Variants in CREB5 observed in about 807,000 individuals in gnomAD.
CREB5 encodes cyclic AMP-responsive element-binding protein 5.
In CREB5, 19 loss-of-function variants were observed where a neutral mutation model predicts 57.1. The observed-to-expected ratio is 0.33, with a 90% CI of 0.23 to 0.49. The LOEUF (loss-of-function observed/expected upper bound fraction) is 0.49. Among genes scored for constraint, CREB5 ranks in the 20% least tolerant of loss-of-function variants. The pLI, the probability that CREB5 is intolerant of heterozygous loss-of-function variation, is 0.99. For synonymous variants in CREB5, 238 were observed against 238.3 expected (o/e 1.00, Z 0.01); for missense variants, 579 against 671.6 (o/e 0.86, Z 1.52).
intron 5 of CREB5, among the ~76,000 whole-genome samples, chr7:28,692,655 G>A (rs905706749): frequency 2.8e-4 from 43 of 152,092 alleles, no homozygotes; most frequent in Non-Finnish European, 1.5e-4. Flanking sequence ...TGTAATTCCA[G>A]CTACTCCAGA....
intron 5 of CREB5, among the ~76,000 whole-genome samples, chr7:28,598,324 C>T (rs1437152511): frequency 6.6e-6 from 1 of 152,124 alleles, no homozygotes; most frequent in East Asian, 1.9e-4. Context: ...AACTGTAAGT[C>T]CAATTAAACC....
chr7:28,475,705 A>C (rs529968118), intron 1 of CREB5, among the ~76,000 whole-genome samples: 1 of 152,270 alleles, frequency 6.6e-6, no homozygotes, highest in African/African-American at 2.4e-5. Flanking sequence ...CATCTTATCC[A>C]GGTGTCTTCT....
intron 1 of CREB5, among the ~76,000 whole-genome samples, chr7:28,453,724 T>C (rs1242418670): frequency 6.6e-6 from 1 of 152,234 alleles, no homozygotes; most frequent in African/African-American, 2.4e-5. Context: ...AAGCAGGGCC[T>C]GCCCTACTAT....
At chr7:28,622,259 T>TCACACACACACA (rs4000593) in intron 5 of CREB5, among the ~76,000 whole-genome samples, 1 of 142,788 alleles carries the variant, frequency 7.0e-6, no homozygotes, top group African/African-American at 2.6e-5. Flanking sequence ...TCTCTCTCTC[T>TCACACACACACA]CACACACACA....
At chr7:28,433,460 AT>A (rs1236251647) in intron 1 of CREB5, among the ~76,000 whole-genome samples, 2 of 152,018 alleles carry the variant, frequency 1.3e-5, no homozygotes, top group Non-Finnish European at 2.9e-5. Context: ...CTTTTTGGCC[AT>A]TTTTCTCTCA....
chr7:28,720,455 G>A (rs1050505265), intron 6 of CREB5, among the ~76,000 whole-genome samples: 3 of 152,192 alleles, frequency 2.0e-5, no homozygotes, highest in South Asian at 2.1e-4. Context: ...GCTTGTGAGT[G>A]AAGAATTGTG....
intron 5 of CREB5, among the ~76,000 whole-genome samples, chr7:28,684,820 A>G (rs947362022): frequency 6.6e-6 from 1 of 152,126 alleles, no homozygotes; most frequent in Admixed American, 6.5e-5. Flanking sequence ...TCCCATTTTC[A>G]TGTTACTTTT....
rs1795138984 is a variant in CREB5, at chr7:28,560,883, C to CGTGCGCGCGTGCGTGCGT, written c.292-9477_292-9476insCGCGTGCGTGCGTGTGCG. On this transcript the variant is annotated intron_variant, in intron 4 of 10. Coordinates refer to ENST00000357727, the MANE Select transcript of CREB5 (RefSeq NM_182898.4). Reference sequence around the variant, plus strand: ...GCGTGTGCCTGCGTGCGCGTGCGTGCGTGCGTGTGTGTGCGTGCGCGCGTG... The same window carrying CGTGCGCGCGTGCGTGCGT: ...GCGTGTGCCTGCGTGCGCGTGCGTGCGTGCGCGCGTGCGTGCGTGTGCGTGTGTGTGCGTGCGCGCGTG... Among the ~76,000 whole-genome samples, 3 of 17,262 alleles carry CGTGCGCGCGTGCGTGCGT rather than the reference C, an allele frequency of 1.7e-4. No individual in the cohort carries two copies. In the South Asian group the frequency reaches 0.013, roughly 74 times the overall value. 11.3% of individuals were successfully genotyped at this position (17,262 alleles called of 152,430 possible).
intron 7 of CREB5, among the ~76,000 whole-genome samples, chr7:28,791,967 G>A (rs778765174): frequency 6.6e-6 from 1 of 152,118 alleles, no homozygotes; most frequent in Non-Finnish European, 1.5e-5. Context: ...AAATGGAGAC[G>A]TAAAAAGATA....
At chr7:28,366,929 A>G (rs547775709) in intron 1 of CREB5, among the ~76,000 whole-genome samples, 2 of 152,286 alleles carry the variant, frequency 1.3e-5, no homozygotes, top group East Asian at 3.9e-4. Context: ...TGGGATGGAG[A>G]ACATCTTTAT....
intron 1 of CREB5, among the ~76,000 whole-genome samples, chr7:28,324,640 G>A (rs1357113771): frequency 6.6e-6 from 1 of 152,074 alleles, no homozygotes; most frequent in African/African-American, 2.4e-5. Flanking sequence ...ATTTTTTCCT[G>A]TGGGTGATCT....
At chr7:28,689,584 T>C (rs1434392920) in intron 5 of CREB5, among the ~76,000 whole-genome samples, 1 of 152,172 alleles carries the variant, frequency 6.6e-6, no homozygotes, top group African/African-American at 2.4e-5. Flanking sequence ...ATGGACACTG[T>C]TACAATCCAT....
chr7:28,463,619 AC>A (rs1171066419), intron 1 of CREB5, among the ~76,000 whole-genome samples: 1 of 152,122 alleles, frequency 6.6e-6, no homozygotes, highest in Non-Finnish European at 1.5e-5. Flanking sequence ...CTTTCAGTGT[AC>A]CAGTCATGTG....
At chr7:28,555,646 C>T (rs1794836552) in intron 4 of CREB5, among the ~76,000 whole-genome samples, 1 of 151,838 alleles carries the variant, frequency 6.6e-6, no homozygotes, top group African/African-American at 2.4e-5. Context: ...CAAATATTTA[C>T]AAAACAGATC....
intron 1 of CREB5, among the ~76,000 whole-genome samples, chr7:28,321,260 C>T (rs1562655644): frequency 6.6e-6 from 1 of 152,002 alleles, no homozygotes; most frequent in South Asian, 2.1e-4. Flanking sequence ...CTTTTTCCTT[C>T]TCCTCTTTCT....
At chr7:28,341,853 T>A (rs1785943453) in intron 1 of CREB5, among the ~76,000 whole-genome samples, 1 of 152,236 alleles carries the variant, frequency 6.6e-6, no homozygotes, top group Non-Finnish European at 1.5e-5. Context: ...CTAGAATATA[T>A]GTACCTTTAC....
chr7:28,405,154 A>G (rs2128000316), intron 1 of CREB5, among the ~76,000 whole-genome samples: 1 of 152,342 alleles, frequency 6.6e-6, no homozygotes, highest in Middle Eastern at 3.4e-3. Context: ...ATCCCTTCAA[A>G]TAAGGTAATG....
chr7:28,752,340 T>C (rs1805031149), intron 7 of CREB5, among the ~76,000 whole-genome samples: 1 of 152,148 alleles, frequency 6.6e-6, no homozygotes. Context: ...CTAATTTTTA[T>C]AGTTTTAGTA....
intron 1 of CREB5, among the ~76,000 whole-genome samples, chr7:28,386,329 C>T (rs997210452): frequency 1.3e-5 from 2 of 152,078 alleles, no homozygotes; most frequent in African/African-American, 4.8e-5. Flanking sequence ...ATGATCGTTC[C>T]TTTACACATT....
Sources: allele counts gnomAD v4.1 joint callset (sites outside exome capture counted in the v4.1 genomes callset), GRCh38; gene constraint gnomAD v4.1.1; transcripts MANE v1.5; gene names NCBI Gene and HGNC (gene_info 2026-07-23, HGNC 2026-07-21).